The following ZBTB16 variants were observed in gnomAD, a reference collection of about 807,000 sequenced individuals.
The protein encoded by ZBTB16 is zinc finger and BTB domain containing 16.
A neutral mutation model predicts 56.8 loss-of-function variants in ZBTB16; 8 were observed. The observed-to-expected ratio is 0.14, with a 90% confidence interval of 0.08 to 0.25. The LOEUF is 0.25. Among genes scored for constraint, ZBTB16 ranks in the 10% least tolerant of loss-of-function variants. The probability of loss-of-function intolerance (pLI) is 1.00; values close to 1 mark genes in which losing one functional copy is unlikely to be tolerated. For synonymous variants in ZBTB16, 363 were observed against 368.5 expected (o/e 0.98, Z 0.17); for missense variants, 625 against 903.0 (o/e 0.69, Z 3.95).
intron 3 of ZBTB16, among the ~76,000 whole-genome samples, chr11:114,168,384 C>A (rs1284942249): frequency 6.6e-6 from 1 of 152,172 alleles, no homozygotes; most frequent in Non-Finnish European, 1.5e-5. Flanking sequence ...CAGGAAATAT[C>A]TGTTGAAGAA....
chr11:114,093,955 C>T (rs141340052), intron 2 of ZBTB16, among the ~76,000 whole-genome samples: 55 of 152,298 alleles, frequency 3.6e-4, no homozygotes, highest in African/African-American at 1.2e-3. Flanking sequence ...ATAGTGACAA[C>T]GTCATTGGTT....
intron 2 of ZBTB16, among the ~76,000 whole-genome samples, chr11:114,085,769 G>A (rs12419354): frequency 5.3e-5 from 8 of 152,142 alleles, no homozygotes; most frequent in Admixed American, 4.6e-4. Context: ...AAGGTAGTGT[G>A]CTGGAATGGG....
At chr11:114,235,716 CTTTT>C (rs1385669375) in intron 4 of ZBTB16, among the ~76,000 whole-genome samples, 2 of 106,404 alleles carry the variant, frequency 1.9e-5, no homozygotes, top group East Asian at 5.3e-4. Flanking sequence ...TTCTTTCTTT[CTTTT>C]TCTTTCTTTC....
intron 4 of ZBTB16, among the ~76,000 whole-genome samples, chr11:114,226,046 G>A (rs1170986895): frequency 6.6e-6 from 1 of 152,182 alleles, no homozygotes; most frequent in African/African-American, 2.4e-5. Flanking sequence ...CTTCAACACC[G>A]AGGCTCTTTG....
intron 2 of ZBTB16, among the ~76,000 whole-genome samples, chr11:114,115,705 C>T (rs1941150655): frequency 6.6e-6 from 1 of 152,174 alleles, no homozygotes; most frequent in Admixed American, 6.5e-5. Flanking sequence ...ATTAAGGTTT[C>T]ATTAATCAAA....
intron 2 of ZBTB16, among the ~76,000 whole-genome samples, chr11:114,075,420 T>G (rs1339612013): frequency 6.6e-6 from 1 of 152,222 alleles, no homozygotes; most frequent in East Asian, 1.9e-4. Flanking sequence ...AAAGGATGTG[T>G]ATACTTCAGT....
intron 2 of ZBTB16, among the ~76,000 whole-genome samples, chr11:114,112,798 A>G (rs530533291): frequency 4.2e-4 from 60 of 141,396 alleles, no homozygotes; most frequent in Non-Finnish European, 1.5e-4. Context: ...GTCTCGCACT[A>G]TCACCCAGGC....
At chr11:114,131,888 T>C (rs1414957848) in intron 2 of ZBTB16, among the ~76,000 whole-genome samples, 1 of 152,152 alleles carries the variant, frequency 6.6e-6, no homozygotes, top group African/African-American at 2.4e-5. Flanking sequence ...ATATGTATCT[T>C]GGGGAAAATG....
chr11:114,142,754 C>T (rs1941988480), intron 2 of ZBTB16, among the ~76,000 whole-genome samples: 1 of 142,306 alleles, frequency 7.0e-6, no homozygotes, highest in Non-Finnish European at 1.6e-5. Context: ...GAGCATGGGG[C>T]CTTGGGGAGG....
intron 2 of ZBTB16, among the ~76,000 whole-genome samples, chr11:114,130,006 G>A (rs1354448704): frequency 1.3e-5 from 2 of 152,220 alleles, no homozygotes; most frequent in African/African-American, 2.4e-5. Flanking sequence ...TTCCTTGGAC[G>A]AGCAAGGTGT....
Position 114,156,451 on chromosome 11 carries a change from T to C in ZBTB16, c.1366+17T>C, listed in dbSNP as rs376503099. 3.5e-5 allele frequency: 57 copies of C among 1,612,666 alleles called. No homozygotes were observed. The Middle Eastern group carries it at 6.6e-4, about 19-fold the overall frequency. ...CTCATTCAGGTAGGCAAGTTCGCCTTAGTGGCCCGTTCAGATACAGGCAAC... is the reference window on the plus strand; with the variant it reads ...CTCATTCAGGTAGGCAAGTTCGCCTCAGTGGCCCGTTCAGATACAGGCAAC... On this transcript the variant is annotated intron_variant, in intron 3 of 6. Coordinates refer to ENST00000335953, the MANE Select transcript of ZBTB16 (RefSeq NM_006006.6).
chr11:114,060,351 G>C lies in ZBTB16; in HGVS notation c.-91+469G>C, dbSNP rs906235612. The C allele has an allele frequency of 6.5e-6, 1 of 152,672 alleles. No individual in the cohort carries two copies. Among genetic ancestry groups the C allele is most frequent in the African/African-American group, 2.4e-5 (1 of 41,486 alleles). The allele number at this position is 152,672 out of a possible 1,614,324, so 9.5% of individuals were successfully genotyped here. ...CCGGCCGGCTGGGAAGCTAGAATCG[G>C]AGGAGCTGACGAGTAGATCTGGGGG... On this transcript the variant is annotated intron_variant, in intron 1 of 6. Coordinates refer to ENST00000335953, the MANE Select transcript of ZBTB16 (RefSeq NM_006006.6). This position sits in a 1 kb window ranked among gnomAD's most constrained non-coding sequence, Gnocchi z 6.0.
chr11:114,108,413 G>A (rs1940877691), intron 2 of ZBTB16, among the ~76,000 whole-genome samples: 1 of 152,168 alleles, frequency 6.6e-6, no homozygotes, highest in South Asian at 2.1e-4. Flanking sequence ...AGTAGTCACA[G>A]TATCTAATTT....
chr11:114,068,047 C>T (rs998093340), intron 2 of ZBTB16, among the ~76,000 whole-genome samples: 1 of 23,534 alleles, frequency 4.2e-5, no homozygotes, highest in African/African-American at 2.0e-4. Flanking sequence ...CCAGTACAAA[C>T]AAAAAGCCAA....
chr11:114,175,819 A>G (rs1158484803), intron 3 of ZBTB16, among the ~76,000 whole-genome samples: 1 of 152,008 alleles, frequency 6.6e-6, no homozygotes, highest in Admixed American at 6.5e-5. Context: ...GTCATTTGGC[A>G]GGAGTGTCAG....
At chr11:114,126,799 G>A (rs1021099248) in intron 2 of ZBTB16, among the ~76,000 whole-genome samples, 8 of 152,136 alleles carry the variant, frequency 5.3e-5, no homozygotes, top group Non-Finnish European at 1.2e-4. Context: ...CATGGCCTGA[G>A]GACCCAGTGA....
intron 3 of ZBTB16, among the ~76,000 whole-genome samples, chr11:114,164,935 C>T (rs1181686115): frequency 6.6e-6 from 1 of 152,114 alleles, no homozygotes; most frequent in Non-Finnish European, 1.5e-5. Context: ...TCTGTGTCAG[C>T]CTCGGCCTTT....
At position 114,142,351 on chromosome 11, in the gene ZBTB16, CT is replaced by C. The variant is rs1241325899; in HGVS notation, c.1269-13983del. ...ACAAGCCTTGAAATGACAAAGTACC[CT>C]TTAGTTAATTGCACAACGGATTGCC... On this transcript the variant is annotated intron_variant, in intron 2 of 6. Coordinates refer to ENST00000335953, the MANE Select transcript of ZBTB16 (RefSeq NM_006006.6). 7.2e-5 allele frequency among the ~76,000 whole-genome samples: 11 copies of C among 152,292 alleles called. No individual in the cohort carries two copies. The East Asian group carries it at 1.4e-3, about 19-fold the overall frequency.
chr11:114,093,836 C>T (rs955080281), intron 2 of ZBTB16, among the ~76,000 whole-genome samples: 4 of 152,176 alleles, frequency 2.6e-5, no homozygotes, highest in Admixed American at 2.6e-4. Context: ...CTAAAAAAGG[C>T]ATCACACCAG....
Sources: allele counts gnomAD v4.1 joint callset (sites outside exome capture counted in the v4.1 genomes callset), GRCh38; gene constraint gnomAD v4.1.1; non-coding constraint Gnocchi (gnomAD v3.1); transcripts MANE v1.5; gene names NCBI Gene and HGNC (gene_info 2026-07-23, HGNC 2026-07-21).